Variants in LRIG3 observed in about 807,000 individuals in gnomAD.
LRIG3 encodes leucine-rich repeats and immunoglobulin-like domains protein 3.
Under a neutral mutation model 114.5 loss-of-function variants are expected in LRIG3, and 76 were observed. The ratio of observed to expected loss-of-function variants is 0.66; its 90% CI spans 0.55 to 0.80. The LOEUF (loss-of-function observed/expected upper bound fraction) is 0.80. LRIG3 is among the 30% of genes least tolerant of loss of function. The probability of loss-of-function intolerance (pLI) is 0.00; values close to 1 mark genes in which losing one functional copy is unlikely to be tolerated. For missense variants in LRIG3, 1,239 were observed against 1,382.8 expected (o/e 0.90, Z 1.65); for synonymous variants, 512 against 519.8 (o/e 0.98, Z 0.20).
At position 58,872,714 on chromosome 12, in the gene LRIG3, G is replaced by A; in HGVS notation, c.3218C>T (p.Ser1073Phe). The change falls in exon 19 of 19, where the codon TCT (serine) becomes TTT (phenylalanine). Residue 1073 changes from serine (S) to phenylalanine (F), a missense_variant. Coordinates refer to ENST00000320743, the MANE Select transcript of LRIG3 (RefSeq NM_153377.5). ...TGACCCAGAGTCCAAGTCTGGGGAAGAATGAGCTTTCAAATAAAAGGCTCT... is the reference window on the plus strand; with the variant it reads ...TGACCCAGAGTCCAAGTCTGGGGAAAAATGAGCTTTCAAATAAAAGGCTCT... ...QPRAFYLKAH[S>F]SPDLDSGSEE... 6.2e-7 allele frequency: 1 copy of A among 1,614,076 alleles called. No homozygotes were observed. Among genetic ancestry groups the A allele is most frequent in the Non-Finnish European group, 8.5e-7 (1 of 1,179,964 alleles).
At chr12:58,873,834 A>G (rs1870816154) in intron 18 of LRIG3, 2 of 592,548 alleles carry the variant, frequency 3.4e-6, no homozygotes, top group African/African-American at 3.7e-5. Context: ...GCTACCCAGA[A>G]AGCTCCTGAG....
chr12:58,919,564 A>T, intron 1 of LRIG3: 3 of 1,546,566 alleles, frequency 1.9e-6, no homozygotes, highest in Non-Finnish European at 2.6e-6. Context: ...GAACAGGAAA[A>T]GGAGTCTGAC....
At chr12:58,894,949 G>A (rs1485923616) in intron 3 of LRIG3, among the ~76,000 whole-genome samples, 1 of 152,140 alleles carries the variant, frequency 6.6e-6, no homozygotes, top group South Asian at 2.1e-4. Context: ...ACAGACCTGG[G>A]GACTTGGGTT....
intron 13 of LRIG3, among the ~76,000 whole-genome samples, chr12:58,879,706 T>C (rs1044581953): frequency 9.2e-5 from 14 of 152,234 alleles, no homozygotes; most frequent in African/African-American, 3.4e-4. Flanking sequence ...CAAACAAGAA[T>C]AGACTTCTGT....
intron 1 of LRIG3, among the ~76,000 whole-genome samples, chr12:58,915,638 G>A (rs1313838330): frequency 6.6e-6 from 1 of 152,018 alleles, no homozygotes; most frequent in Non-Finnish European, 1.5e-5. Flanking sequence ...ATTTGTTCTG[G>A]TAGAGTTATA....
At chr12:58,880,020 C>T (rs1358065408) in intron 13 of LRIG3, among the ~76,000 whole-genome samples, 7 of 152,122 alleles carry the variant, frequency 4.6e-5, no homozygotes, top group Admixed American at 6.5e-5. Context: ...TTGCTGGGCA[C>T]GGTGGCTCAC....
At chr12:58,912,397 G>T (rs920329798) in intron 3 of LRIG3, among the ~76,000 whole-genome samples, 3 of 152,134 alleles carry the variant, frequency 2.0e-5, no homozygotes, top group Non-Finnish European at 4.4e-5. Flanking sequence ...TTGGGAGGCT[G>T]AGGCAGGAGA....
At chr12:58,887,976 T>G in intron 7 of LRIG3, 44 bp from the exon 8 acceptor site, 1 of 1,568,154 alleles carries the variant, frequency 6.4e-7, no homozygotes, top group Non-Finnish European at 8.7e-7. Context: ...ATTTTTCAAT[T>G]CAACACAATG....
intron 3 of LRIG3, among the ~76,000 whole-genome samples, chr12:58,909,388 T>C (rs1872187056): frequency 6.6e-6 from 1 of 152,224 alleles, no homozygotes; most frequent in African/African-American, 2.4e-5. Context: ...TCTCCTTTCT[T>C]TCTCTTCATA....
chr12:58,900,342 T>C (rs1871799997), intron 3 of LRIG3, among the ~76,000 whole-genome samples: 1 of 152,060 alleles, frequency 6.6e-6, no homozygotes, highest in Admixed American at 6.5e-5. Context: ...AATTTATCCA[T>C]TTGCTTGCAA....
At chr12:58,913,854 G>T in intron 3 of LRIG3, 128 bp downstream of exon 3, 1 of 716,924 alleles carries the variant, frequency 1.4e-6, no homozygotes, top group Non-Finnish European at 2.3e-6. Context: ...TTTAAAGCGC[G>T]TATCTTTACT....
chr12:58,908,677 A>G (rs1872160872), intron 3 of LRIG3, among the ~76,000 whole-genome samples: 1 of 152,214 alleles, frequency 6.6e-6, no homozygotes, highest in South Asian at 2.1e-4. Flanking sequence ...TGTAAAACGT[A>G]GGTATGCTGT....
chr12:58,888,247 T>C, intron 7 of LRIG3, 82 bp downstream of exon 7: 1 of 1,479,778 alleles, frequency 6.8e-7, no homozygotes, highest in Non-Finnish European at 9.1e-7. Context: ...TATGAAAATT[T>C]CACAGATCAG....
intron 3 of LRIG3, among the ~76,000 whole-genome samples, chr12:58,904,545 C>T (rs1014034216): frequency 5.3e-5 from 8 of 152,190 alleles, no homozygotes; most frequent in Non-Finnish European, 5.9e-5. Flanking sequence ...GCAAGCTATA[C>T]TGAAAAGTCA....
In LRIG3 at chr12:58,872,417, C is replaced by G; in HGVS notation, c.*155G>C. The G allele has an allele frequency of 2.7e-6, 2 of 752,198 alleles. No homozygotes were observed. Among genetic ancestry groups the G allele is most frequent in the Non-Finnish European group, 3.7e-6 (2 of 534,104 alleles). The allele number at this position is 752,198 out of a possible 1,614,324, so 46.6% of individuals were successfully genotyped here. On this transcript the variant is annotated 3_prime_UTR_variant, in exon 19 of 19. Coordinates refer to ENST00000320743, the MANE Select transcript of LRIG3 (RefSeq NM_153377.5). Reference sequence around the variant, plus strand: ...GCATCATTCCCAGTATAAAAATTTTCATAACTTTTTGTAATTTTGGTTCAT... The same window carrying G: ...GCATCATTCCCAGTATAAAAATTTTGATAACTTTTTGTAATTTTGGTTCAT...
intron 3 of LRIG3, among the ~76,000 whole-genome samples, chr12:58,906,575 T>C (rs1235946119): frequency 2.6e-5 from 4 of 152,180 alleles, no homozygotes. Flanking sequence ...CTTAATATGA[T>C]GCTGGGTTCA....
chr12:58,872,512 C>A lies in LRIG3; in HGVS notation c.*60G>T. 1.4e-6 allele frequency: 2 copies of A among 1,468,360 alleles called. No homozygotes were observed. Among genetic ancestry groups the A allele is most frequent in the East Asian group, 2.3e-5 (1 of 43,454 alleles). 91.0% of individuals were successfully genotyped at this position (1,468,360 alleles called of 1,614,324 possible). On this transcript the variant is annotated 3_prime_UTR_variant, in exon 19 of 19. Transcript: ENST00000320743. ...ATTTAAAAAACATAAGATTCTCTCT[C>A]TTTTAAATAAAAGTTCACTTGAGGT...
In LRIG3 at chr12:58,885,722, G is replaced by A. The variant is rs190490550; in HGVS notation, c.1244+109C>T. On this transcript the variant is annotated intron_variant, in intron 10 of 18. Coordinates refer to ENST00000320743, the MANE Select transcript of LRIG3 (RefSeq NM_153377.5). ...ATGTTTAAATATATTTTATGGAACCGGAAGGATGCCAACAAAATTACATTC... is the reference window on the plus strand; with the variant it reads ...ATGTTTAAATATATTTTATGGAACCAGAAGGATGCCAACAAAATTACATTC... The A allele has an allele frequency of 8.8e-5, 55 of 624,750 alleles. No individual in the cohort carries two copies. In the East Asian group the frequency reaches 1.2e-3, roughly 14 times the overall value. 38.7% of individuals were successfully genotyped at this position (624,750 alleles called of 1,614,324 possible). A position where few individuals can be genotyped will look rare whatever the true frequency, so the allele number is the denominator to read the frequency against.
At chr12:58,887,957 AT>A in intron 7 of LRIG3, 25 bp from the exon 8 acceptor site, 1 of 1,600,562 alleles carries the variant, frequency 6.2e-7, no homozygotes, top group Non-Finnish European at 8.5e-7. Flanking sequence ...GAGAAAAGCA[AT>A]AGCTTTTATT....
Sources: allele counts gnomAD v4.1 joint callset (sites outside exome capture counted in the v4.1 genomes callset), GRCh38; gene constraint gnomAD v4.1.1; transcripts MANE v1.5; gene names NCBI Gene and HGNC (gene_info 2026-07-23, HGNC 2026-07-21).